The following OR10G7 variants were observed in gnomAD, a reference collection of about 807,000 sequenced individuals.
The protein encoded by OR10G7 is olfactory receptor 10G7.
For missense variants in OR10G7, 338 were observed against 382.1 expected (o/e 0.88, Z 0.96); for synonymous variants, 165 against 167.4 (o/e 0.99, Z 0.11).
Position 124,038,205 on chromosome 11 carries a change from G to T in OR10G7, c.797C>A (p.Ala266Asp), listed in dbSNP as rs748390521. The T allele has an allele frequency of 6.2e-7, 1 of 1,613,994 alleles. No homozygotes were observed. Among genetic ancestry groups the T allele is most frequent in the South Asian group, 1.1e-5 (1 of 91,076 alleles). Residue 266 changes from alanine (A) to aspartate (D), a missense_variant, in exon 2 of 2, where the codon GCC becomes GAC. By Grantham distance (126) the Ala-to-Asp change is moderately radical. Coordinates refer to ENST00000641585, the MANE Select transcript of OR10G7 (RefSeq NM_001004463.2). ...GAAAACGGCCACAACCCCATGCAAG[G>T]CGTCCCTGGAGCCTGGCCTCAGGTA... ...FIYLRPGSRD[A>D]LHGVVAVFYT...
At position 124,038,428 on chromosome 11, in the gene OR10G7, A is replaced by T. The variant is rs773966921; in HGVS notation, c.574T>A (p.Ser192Thr). 6.8e-6 allele frequency: 11 copies of T among 1,613,848 alleles called. No individual in the cohort carries two copies. Among genetic ancestry groups the T allele is most frequent in the Non-Finnish European group, 9.3e-6 (11 of 1,179,912 alleles). ...ACAAAGATGACCATCTCGTTGGCTG[A>T]GGTGTCTGCACAGGCCAGTTTCAGG... ...PILKLACADT[S>T]ANEMVIFVNI... The change falls in exon 2 of 2, where the codon TCA becomes ACA. Residue 192 changes from serine (S) to threonine (T), a missense_variant. By Grantham distance (58) the Ser-to-Thr change is moderately conservative (BLOSUM62 1). Coordinates refer to ENST00000641585, the MANE Select transcript of OR10G7 (RefSeq NM_001004463.2).
intron 1 of OR10G7, among the ~76,000 whole-genome samples, chr11:124,039,628 C>A (rs999507674): frequency 6.6e-6 from 1 of 152,114 alleles, no homozygotes; most frequent in South Asian, 2.1e-4. Context: ...TTATGTGGAG[C>A]CGGTCTTCTG....
At chr11:124,039,204 TA>T (rs1388639971) in intron 1 of OR10G7, among the ~76,000 whole-genome samples, 183 bp from the exon 2 acceptor site, 3 of 152,118 alleles carry the variant, frequency 2.0e-5, no homozygotes, top group Non-Finnish European at 4.4e-5. Context: ...AGTACCAGAA[TA>T]AGCCATATAC....
Position 124,038,117 on chromosome 11 carries a change from C to T in OR10G7, c.885G>A (p.Lys295=). ...VVYTLRNKEV[K]KALLKLKNGS... ...CATTTTTCAGCTTCAACAGAGCTTTCTTTACCTCCTTGTTTCTCAGGGTGT... is the reference window on the plus strand; with the variant it reads ...CATTTTTCAGCTTCAACAGAGCTTTTTTTACCTCCTTGTTTCTCAGGGTGT... Residue 295 remains lysine (K), a synonymous_variant, in exon 2 of 2, where the codon AAG becomes AAA. Coordinates refer to ENST00000641585, the MANE Select transcript of OR10G7 (RefSeq NM_001004463.2). 1 of 1,614,024 alleles carries T rather than the reference C, an allele frequency of 6.2e-7. No individual in the cohort carries two copies. Among genetic ancestry groups the T allele is most frequent in the South Asian group, 1.1e-5 (1 of 91,072 alleles).
At position 124,036,800 on chromosome 11, in the gene OR10G7, C is replaced by T. The variant is rs897180521; in HGVS notation, c.*1266G>A. ...GTACTGTGTCATGGTTTATGTAGCT[C>T]ATGCTTACCAAGTTAGTATGTTTTT... On this transcript the variant is annotated 3_prime_UTR_variant, in exon 2 of 2. Coordinates refer to ENST00000641585, the MANE Select transcript of OR10G7 (RefSeq NM_001004463.2). 4.6e-5 allele frequency: 7 copies of T among 152,148 alleles called. No individual in the cohort carries two copies. The highest frequency in any genetic ancestry group is 1.2e-4 in the African/African-American group (5 of 41,432). The allele number at this position is 152,148 out of a possible 1,614,324, so 9.4% of individuals were successfully genotyped here.
rs1864201716 is a variant in OR10G7 at position 124,037,557 on chromosome 11, G to A, written c.*509C>T. 2 of 152,064 alleles carry A rather than the reference G, an allele frequency of 1.3e-5. No individual in the cohort carries two copies. Among genetic ancestry groups the A allele is most frequent in the Admixed American group, 1.3e-4 (2 of 15,270 alleles). The allele number at this position is 152,064 out of a possible 1,614,324, so 9.4% of individuals were successfully genotyped here. On this transcript the variant is annotated 3_prime_UTR_variant, in exon 2 of 2. Transcript: ENST00000641585. ...TTAAAGAGTTATATGGTTTTTATTG[G>A]CCCATGAATGTGAATAAAGCCATTC... is the stretch of plus-strand genomic sequence containing the variant.
chr11:124,036,936 T>C lies in OR10G7; in HGVS notation c.*1130A>G, dbSNP rs917801917. ...TGCAGCTGCTGCAAATCTGAGGAGTTTGAGAAATGCTTTTCAGTTCTAGCA... is the reference window on the plus strand; with the variant it reads ...TGCAGCTGCTGCAAATCTGAGGAGTCTGAGAAATGCTTTTCAGTTCTAGCA... On this transcript the variant is annotated 3_prime_UTR_variant, in exon 2 of 2. Transcript: ENST00000641585. The C allele has an allele frequency of 5.3e-5, 8 of 152,204 alleles. No individual in the cohort carries two copies. The highest frequency in any genetic ancestry group is 1.9e-4 in the African/African-American group (8 of 41,450). The allele number at this position is 152,204 out of a possible 1,614,324, so 9.4% of individuals were successfully genotyped here.
rs1046653735 is a variant in OR10G7, at chr11:124,037,008, T to C, written c.*1058A>G. ...ACTCTTCATGCTATGCTAGGCAGAG[T>C]TGGCATGACCAGGATACCTGTGGTA... is the stretch of plus-strand genomic sequence containing the variant. On this transcript the variant is annotated 3_prime_UTR_variant, in exon 2 of 2. Transcript: ENST00000641585. 2 of 152,188 alleles carry C rather than the reference T, an allele frequency of 1.3e-5. No individual in the cohort carries two copies. The highest frequency in any genetic ancestry group is 3.2e-3 in the Middle Eastern group (1 of 316). 9.4% of individuals were successfully genotyped at this position (152,188 alleles called of 1,614,324 possible).
chr11:124,037,231 T>G lies in OR10G7; in HGVS notation c.*835A>C, dbSNP rs749896661. On this transcript the variant is annotated 3_prime_UTR_variant, in exon 2 of 2. Coordinates refer to ENST00000641585, the MANE Select transcript of OR10G7 (RefSeq NM_001004463.2). ...TAATTACATGGGAAATATTATCTAGTACTTTATTCTAAATTAAGGGATACT... is the reference window on the plus strand; with the variant it reads ...TAATTACATGGGAAATATTATCTAGGACTTTATTCTAAATTAAGGGATACT... 1 of 152,230 alleles carries G rather than the reference T, an allele frequency of 6.6e-6. No homozygotes were observed. Among genetic ancestry groups the G allele is most frequent in the African/African-American group, 2.4e-5 (1 of 41,464 alleles). The allele number at this position is 152,230 out of a possible 1,614,324, so 9.4% of individuals were successfully genotyped here.
At position 124,036,878 on chromosome 11, in the gene OR10G7, C is replaced by CA. The variant is rs531130737; in HGVS notation, c.*1187dup. 1.0e-3 allele frequency: 154 copies of CA among 152,280 alleles called. No homozygotes were observed. Among genetic ancestry groups the CA allele is most frequent in the African/African-American group, 3.4e-3 (140 of 41,570 alleles). The allele number at this position is 152,280 out of a possible 1,614,324, so 9.4% of individuals were successfully genotyped here. On this transcript the variant is annotated 3_prime_UTR_variant, in exon 2 of 2. Transcript: ENST00000641585. The stretch of plus-strand genomic sequence containing the variant: ...TGGAGCAAGATATGGAAAGTTGGCA[C>CA]AAAGGAGCATTCTTGCTAAAGCATC...
In OR10G7 at chr11:124,037,520, A is replaced by G. The variant is rs933508020; in HGVS notation, c.*546T>C. 2 of 152,178 alleles carry G rather than the reference A, an allele frequency of 1.3e-5. No individual in the cohort carries two copies. Among genetic ancestry groups the G allele is most frequent in the Admixed American group, 6.5e-5 (1 of 15,274 alleles). 9.4% of individuals were successfully genotyped at this position (152,178 alleles called of 1,614,324 possible). Reference sequence around the variant, plus strand: ...TCTCAGAAATCTTTCAGGCCAAAGTAAGAAAAAAATATTAAAGAGTTATAT... The same window carrying G: ...TCTCAGAAATCTTTCAGGCCAAAGTGAGAAAAAAATATTAAAGAGTTATAT... On this transcript the variant is annotated 3_prime_UTR_variant, in exon 2 of 2. Coordinates refer to ENST00000641585, the MANE Select transcript of OR10G7 (RefSeq NM_001004463.2).
rs1864237593 is a variant in OR10G7, at chr11:124,041,086, T to C, written c.-221A>G. 1 of 152,148 alleles carries C rather than the reference T, an allele frequency of 6.6e-6. No homozygotes were observed. Among genetic ancestry groups the C allele is most frequent in the South Asian group, 2.1e-4 (1 of 4,834 alleles). 9.4% of individuals were successfully genotyped at this position (152,148 alleles called of 1,614,324 possible). ...ACAGTCCTTATGAGTGAAGATAATG[T>C]GTTGACATCATGATAAACACTTGGA... On this transcript the variant is annotated 5_prime_UTR_variant, in exon 1 of 2. Transcript: ENST00000641585.
At chr11:124,039,157 T>A (rs1479980220) in intron 1 of OR10G7, 136 bp from the exon 2 acceptor site, 4 of 924,122 alleles carry the variant, frequency 4.3e-6, no homozygotes. Context: ...TTTGCTTCAG[T>A]ATAGGTCTTT....
chr11:124,040,879 T>C lies in OR10G7; in HGVS notation c.-21+7A>G, dbSNP rs1864235922. The C allele has an allele frequency of 6.6e-6, 1 of 152,168 alleles. No individual in the cohort carries two copies. Among genetic ancestry groups the C allele is most frequent in the Non-Finnish European group, 1.5e-5 (1 of 68,040 alleles). The allele number at this position is 152,168 out of a possible 1,614,324, so 9.4% of individuals were successfully genotyped here. The stretch of plus-strand genomic sequence containing the variant: ...ATGCTGAAGTGTTGCCAATTTTTGC[T>C]ACTTACCAATTTTACAACTAGGTTT... On this transcript the variant is annotated splice_region_variant and intron_variant, in intron 1 of 1. Transcript: ENST00000641585.
In OR10G7 at chr11:124,038,585, C is replaced by T. The variant is rs200548908; in HGVS notation, c.417G>A (p.Ser139=). Reference sequence around the variant, plus strand: ...AAGTGCCGGTGGCCAGGAGGGCACACGAGCGCCCAGTCATCATGTTGGTGT... The same window carrying T: ...AAGTGCCGGTGGCCAGGAGGGCACATGAGCGCCCAGTCATCATGTTGGTGT... The part of the protein sequence containing the change: ...LRYTNMMTGR[S]CALLATGTWL... Residue 139 remains serine, a synonymous_variant, in exon 2 of 2, where the codon TCG becomes TCA. Transcript: ENST00000641585. 91 of 1,613,726 alleles carry T rather than the reference C, an allele frequency of 5.6e-5. No individual in the cohort carries two copies. Among genetic ancestry groups the T allele is most frequent in the Non-Finnish European group, 7.3e-5 (86 of 1,179,934 alleles).
chr11:124,038,565 C>A lies in OR10G7; in HGVS notation c.437G>T (p.Gly146Val), dbSNP rs759922786. Residue 146 changes from glycine (G) to valine (V), a missense_variant, in exon 2 of 2, where the codon GGC (glycine) becomes GTC (valine). Coordinates refer to ENST00000641585, the MANE Select transcript of OR10G7 (RefSeq NM_001004463.2). Reference sequence around the variant, plus strand: ...GTGCAGAGAGCCACTGAGCCAAGTGCCGGTGGCCAGGAGGGCACACGAGCG... The same window carrying A: ...GTGCAGAGAGCCACTGAGCCAAGTGACGGTGGCCAGGAGGGCACACGAGCG... ...TGRSCALLAT[G>V]TWLSGSLHSA... The A allele has an allele frequency of 7.4e-6, 12 of 1,613,712 alleles. No homozygotes were observed. Among genetic ancestry groups the A allele is most frequent in the Admixed American group, 1.7e-5 (1 of 59,982 alleles).
Position 124,038,717 on chromosome 11 carries a change from G to A in OR10G7, c.285C>T (p.Ser95=). 6.2e-7 allele frequency: 1 copy of A among 1,614,048 alleles called. No individual in the cohort carries two copies. Among genetic ancestry groups the A allele is most frequent in the South Asian group, 1.1e-5 (1 of 91,084 alleles). Residue 95 remains serine (S), a synonymous_variant, in exon 2 of 2, where the codon AGC becomes AGT. Coordinates refer to ENST00000641585, the MANE Select transcript of OR10G7 (RefSeq NM_001004463.2). ...GGAAAAAATAGAGCTGAGCCACGCA[G>A]CTGTGGAAGGAGATAGTCCTGCCGC... ...SPSGRTISFH[S]CVAQLYFFHF...
At position 124,038,334 on chromosome 11, in the gene OR10G7, G is replaced by C. The variant is rs746270292; in HGVS notation, c.668C>G (p.Ser223Cys). ...CTCTGAGGTGCGGATCCGCAGGATG[G>C]AACAGACGATGGACACATAGGACAG... ...IVLSYVSIVCSILRIRTSEGR... is the reference protein window; with the variant it reads ...IVLSYVSIVCCILRIRTSEGR... Residue 223 changes from serine to cysteine, a missense_variant, in exon 2 of 2, where the codon TCC (serine) becomes TGC (cysteine). Ser to Cys is a moderately radical substitution (Grantham distance 112, BLOSUM62 -1). Transcript: ENST00000641585. 5 of 1,614,154 alleles carry C rather than the reference G, an allele frequency of 3.1e-6. No homozygotes were observed. Among genetic ancestry groups the C allele is most frequent in the Admixed American group, 1.7e-5 (1 of 60,026 alleles).
chr11:124,039,624 G>A (rs1383393419), intron 1 of OR10G7, among the ~76,000 whole-genome samples: 2 of 152,130 alleles, frequency 1.3e-5, no homozygotes, highest in Non-Finnish European at 2.9e-5. Flanking sequence ...AGCATTATGT[G>A]GAGCCGGTCT....
Sources: gnomAD v4.1 joint callset for allele counts (sites outside exome capture counted in the v4.1 genomes callset) on GRCh38, gnomAD v4.1.1 for gene constraint, MANE v1.5 for transcripts, NCBI Gene and HGNC (gene_info 2026-07-23, HGNC 2026-07-21) for gene names.